The following NOL4L variants were observed in gnomAD, a reference collection of about 807,000 sequenced individuals.
NOL4L encodes the protein nucleolar protein 4 like.
A neutral mutation model predicts 64.5 loss-of-function variants in NOL4L; 7 were observed. That is an observed-to-expected ratio of 0.11 (90% CI 0.06 to 0.20). NOL4L has a LOEUF of 0.20. Among genes scored for constraint, NOL4L ranks in the 10% least tolerant of loss-of-function variants. The pLI is 1.00. For synonymous variants in NOL4L, 413 were observed against 401.0 expected, an observed-to-expected ratio of 1.03 and a Z score of -0.36; for missense variants, 680 against 967.1, an observed-to-expected ratio of 0.70 and a Z score of 3.94.
intron 1 of NOL4L, among the ~76,000 whole-genome samples, chr20:32,560,917 T>A (rs1978972162): frequency 6.6e-6 from 1 of 152,242 alleles, no homozygotes; most frequent in East Asian, 1.9e-4. Flanking sequence ...ACGCAGTGCC[T>A]GCCGGAGGGG....
intron 3 of NOL4L, among the ~76,000 whole-genome samples, chr20:32,513,704 A>C (rs1459925479): frequency 6.6e-6 from 1 of 152,092 alleles, no homozygotes; most frequent in Non-Finnish European, 1.5e-5. Context: ...TCTCTACTAA[A>C]AGGTAAAAAT....
chr20:32,529,119 G>A (rs1485188005), intron 1 of NOL4L, among the ~76,000 whole-genome samples: 1 of 152,198 alleles, frequency 6.6e-6, no homozygotes, highest in African/African-American at 2.4e-5. Context: ...GCTGGGCAGG[G>A]TCACTTGGAC....
intron 4 of NOL4L, among the ~76,000 whole-genome samples, chr20:32,495,332 G>C (rs896291764): frequency 6.6e-6 from 1 of 152,210 alleles, no homozygotes; most frequent in Non-Finnish European, 1.5e-5. Flanking sequence ...CATATCTGTC[G>C]AGGAGGCTGC....
chr20:32,503,578 C>T (rs952964753), intron 4 of NOL4L, among the ~76,000 whole-genome samples: 2 of 152,186 alleles, frequency 1.3e-5, no homozygotes, highest in Admixed American at 6.5e-5. Flanking sequence ...CTTATTGGTC[C>T]ATGCACATTT....
intron 1 of NOL4L, 132 bp downstream of exon 1, chr20:32,584,438 C>T: frequency 2.7e-6 from 2 of 736,392 alleles, no homozygotes; most frequent in Middle Eastern, 4.5e-4. Flanking sequence ...GCGTGCGCCT[C>T]CGGCGGGCCC....
At position 32,453,365 on chromosome 20, in the gene NOL4L, C is replaced by T. The variant is rs112701335; in HGVS notation, c.1436G>A (p.Arg479His). ...RQFPEFQERA[R>H]KRIRTYLKSC... ...CTTGAGGTACGTGCGGATGCGCTTGCGGGCCCGCTCCTGGAACTCAGGGAA... is the reference window on the plus strand; with the variant it reads ...CTTGAGGTACGTGCGGATGCGCTTGTGGGCCCGCTCCTGGAACTCAGGGAA... Residue 479 changes from arginine to histidine, a missense_variant, in exon 8 of 11, where the codon CGC becomes CAC. This residue lies in a region of NOL4L where 70 missense variants were observed against 166.1 expected (regional missense o/e 0.42). Transcript: ENST00000621426. This position sits in a 1 kb window ranked among gnomAD's most constrained non-coding sequence, Gnocchi z 5.6. 2 of 1,614,088 alleles carry T rather than the reference C, an allele frequency of 1.2e-6. No individual in the cohort carries two copies. The highest frequency in any genetic ancestry group is 1.7e-6 in the Non-Finnish European group (2 of 1,180,008).
intron 3 of NOL4L, among the ~76,000 whole-genome samples, chr20:32,516,268 C>A (rs893107732): frequency 6.6e-6 from 1 of 151,558 alleles, no homozygotes; most frequent in Non-Finnish European, 1.5e-5. Context: ...AGGCCTGAGA[C>A]CAGCTCAAAA....
intron 1 of NOL4L, among the ~76,000 whole-genome samples, chr20:32,566,803 C>T (rs1463885551): frequency 3.3e-5 from 5 of 152,202 alleles, no homozygotes; most frequent in East Asian, 1.9e-4. Flanking sequence ...CTTTTCTCCA[C>T]GCATTTACCA....
chr20:32,451,376 G>C (rs113246592), intron 10 of NOL4L, among the ~76,000 whole-genome samples: 1 of 152,218 alleles, frequency 6.6e-6, no homozygotes, highest in African/African-American at 2.4e-5. Flanking sequence ...AACACAACCC[G>C]AGTGCCTGGC....
At chr20:32,518,478 G>A (rs948398507) in intron 3 of NOL4L, among the ~76,000 whole-genome samples, 18 of 152,246 alleles carry the variant, frequency 1.2e-4, no homozygotes, top group Admixed American at 1.0e-3. Context: ...GCAGCATGGG[G>A]AGACCTCGCA....
rs1555133 is a variant in NOL4L, at chr20:32,460,579, G to A, written c.842-4184C>T. 0.32 allele frequency among the ~76,000 whole-genome samples: 48,520 copies of A among 152,082 alleles called. 9,263 individuals are homozygous for A. The highest frequency in any genetic ancestry group is 0.8 in the East Asian group (4,152 of 5,164). ...AGTGGGTCCCACAGCCGTAAAACAC[G>A]GTTCTAAGGTGAGGATGGTGCCCGA... On this transcript the variant is annotated intron_variant, in intron 5 of 10. Transcript: ENST00000621426. The surrounding 1 kb of genome is among the most constrained non-coding windows in gnomAD (Gnocchi z 5.7).
chr20:32,488,676 G>A (rs1039587363), intron 4 of NOL4L, among the ~76,000 whole-genome samples: 1 of 152,190 alleles, frequency 6.6e-6, no homozygotes, highest in Non-Finnish European at 1.5e-5. Context: ...GGGAATGTAA[G>A]TAGATGTTTC....
At chr20:32,551,876 A>G (rs2018807395) in intron 1 of NOL4L, among the ~76,000 whole-genome samples, 1 of 151,868 alleles carries the variant, frequency 6.6e-6, no homozygotes, top group African/African-American at 2.4e-5. Context: ...GCAGCCTTGA[A>G]CTCCTGGGCT....
chr20:32,567,444 G>A (rs377689684), intron 1 of NOL4L, among the ~76,000 whole-genome samples: 41 of 152,292 alleles, frequency 2.7e-4, no homozygotes, highest in African/African-American at 9.9e-4. Context: ...CCTTTTCACA[G>A]ACAAGGTGCT....
chr20:32,488,827 T>TTTC lies in NOL4L; in HGVS notation c.700-14086_700-14085insGAA, dbSNP rs2016294538. On this transcript the variant is annotated intron_variant, in intron 4 of 10. Transcript: ENST00000621426. ...TCTTTTTCTTTCTTTCTTTCTTTCTTTTTCTTTCTTTCTTTCTTTCTTTCT... is the reference window on the plus strand; with the variant it reads ...TCTTTTTCTTTCTTTCTTTCTTTCTTTTCTTTCTTTCTTTCTTTCTTTCTTTCT... Among the ~76,000 whole-genome samples the TTTC allele has an allele frequency of 2.4e-3, 78 of 33,152 alleles. 4 individuals carry two copies. The highest frequency in any genetic ancestry group is 2.3e-3 in the Admixed American group (7 of 3,042). The allele number at this position is 33,152 out of a possible 152,430, so 21.7% of individuals were successfully genotyped here. A position where few individuals can be genotyped will look rare whatever the true frequency, so the allele number is the denominator to read the frequency against.
At chr20:32,544,891 G>A (rs1322304604) in intron 1 of NOL4L, among the ~76,000 whole-genome samples, 4 of 152,300 alleles carry the variant, frequency 2.6e-5, no homozygotes, top group South Asian at 2.1e-4. Context: ...ACACGAAAAG[G>A]TGAGTACTAT....
At chr20:32,548,350 G>C (rs997986732) in intron 1 of NOL4L, among the ~76,000 whole-genome samples, 1 of 152,206 alleles carries the variant, frequency 6.6e-6, no homozygotes, top group African/African-American at 2.4e-5. Context: ...GCACACTTAA[G>C]TATGATCTCA....
chr20:32,511,208 A>G (rs984467967), intron 4 of NOL4L, 139 bp downstream of exon 4: 2 of 588,892 alleles, frequency 3.4e-6, no homozygotes, highest in Non-Finnish European at 6.1e-6. Flanking sequence ...CCGCCTGGAC[A>G]ACCCAGATAA....
At chr20:32,581,131 C>A (rs966278418) in intron 1 of NOL4L, among the ~76,000 whole-genome samples, 1 of 152,180 alleles carries the variant, frequency 6.6e-6, no homozygotes, top group African/African-American at 2.4e-5. Context: ...CCCACCAGCA[C>A]CCCTAGCTGC....
Sources: gnomAD v4.1 joint callset for allele counts (sites outside exome capture counted in the v4.1 genomes callset) on GRCh38, gnomAD v4.1.1 for gene constraint, gnomAD v4.1.1 regional missense constraint, Gnocchi (gnomAD v3.1) non-coding constraint, MANE v1.5 for transcripts, NCBI Gene and HGNC (gene_info 2026-07-23, HGNC 2026-07-21) for gene names.